TTC8: variants seen among roughly 807,000 people sequenced by gnomAD.
TTC8 encodes tetratricopeptide repeat protein 8.
A neutral mutation model predicts 72.5 loss-of-function variants in TTC8; 47 were observed. The observed-to-expected ratio is 0.65, with a 90% confidence interval of 0.51 to 0.83. TTC8 has a LOEUF of 0.83. Ranked by LOEUF, TTC8 falls within the 40% of genes least tolerant of loss-of-function variation. TTC8 has a pLI of 0.00. For missense variants in TTC8, 611 were observed against 623.2 expected, an observed-to-expected ratio of 0.98 and a Z score of 0.21; for synonymous variants, 199 against 221.4, an observed-to-expected ratio of 0.90 and a Z score of 0.90.
intron 11 of TTC8, among the ~76,000 whole-genome samples, chr14:88,870,621 C>T (rs985614277): frequency 1.4e-4 from 21 of 152,192 alleles, no homozygotes; most frequent in African/African-American, 4.8e-4. Flanking sequence ...ACAGAATCAC[C>T]TGTTTTGTGC....
At chr14:88,862,536 CT>C (rs2094890479) in intron 10 of TTC8, among the ~76,000 whole-genome samples, 1 of 82,158 alleles carries the variant, frequency 1.2e-5, no homozygotes, top group African/African-American at 4.5e-5. Flanking sequence ...CTCTCTCTCT[CT>C]CTCCATATAT....
chr14:88,824,388 C>T (rs2094688409), upstream of TTC8, among the ~76,000 whole-genome samples: 1 of 152,158 alleles, frequency 6.6e-6, no homozygotes, highest in East Asian at 1.9e-4. Context: ...GCTGCGCCTC[C>T]TGGGAGGGTG....
At chr14:88,866,413 ACG>A (rs1555394046) in intron 10 of TTC8, among the ~76,000 whole-genome samples, 85 of 149,576 alleles carry the variant, frequency 5.7e-4, no homozygotes, top group African/African-American at 1.8e-3. Flanking sequence ...ACACACACAC[ACG>A]CACACACAAA....
At chr14:88,862,580 A>ATATATATATATATATATATATATG (rs2094892092) in intron 10 of TTC8, among the ~76,000 whole-genome samples, 1 of 68,072 alleles carries the variant, frequency 1.5e-5, no homozygotes, top group Non-Finnish European at 2.9e-5. Flanking sequence ...ATATATATAT[A>ATATATATATATATATATATATATG]TATATATATA....
rs1400910609 is a variant in TTC8 at position 88,871,989 on chromosome 14, C to G, written c.1224+266C>G. ...ATCACTTGGGCCTAGAAGGTCAAGG[C>G]TGCAGTGAGCTGTGATCGTAGCACT... is the stretch of plus-strand genomic sequence containing the variant. On this transcript the variant is annotated intron_variant, in intron 12 of 14. Coordinates refer to ENST00000380656, the MANE Select transcript of TTC8 (RefSeq NM_144596.4). This position sits in a 1 kb window ranked among gnomAD's most constrained non-coding sequence, Gnocchi z 4.1. 6.6e-6 allele frequency among the ~76,000 whole-genome samples: 1 copy of G among 152,128 alleles called. No individual in the cohort carries two copies. Among genetic ancestry groups the G allele is most frequent in the Non-Finnish European group, 1.5e-5 (1 of 68,016 alleles).
chr14:88,866,962 A>G (rs2094912826), intron 10 of TTC8, among the ~76,000 whole-genome samples: 1 of 152,236 alleles, frequency 6.6e-6, no homozygotes, highest in Admixed American at 6.5e-5. Context: ...GATGTGTTAA[A>G]TGCCTAACCT....
downstream of TTC8, chr14:88,878,368 A>T (rs2141051336): frequency 6.6e-6 from 1 of 152,354 alleles, no homozygotes; most frequent in South Asian, 2.1e-4. Flanking sequence ...ACTCAAACTC[A>T]TACTTTGGAC....
chr14:88,863,497 G>T (rs2094897345), intron 10 of TTC8, among the ~76,000 whole-genome samples: 1 of 152,136 alleles, frequency 6.6e-6, no homozygotes, highest in Admixed American at 6.5e-5. Flanking sequence ...GTTACTATTG[G>T]GTGCTGGTCA....
Position 88,877,448 on chromosome 14 carries a change from T to C in TTC8, c.*38T>C. ...CCACATATGTTCTTATGAAGCAGCA[T>C]TATGCAAGGGGAAAAAAGCACTATG... is the stretch of plus-strand genomic sequence containing the variant. On this transcript the variant is annotated 3_prime_UTR_variant, in exon 15 of 15. Transcript: ENST00000380656. The C allele has an allele frequency of 6.5e-7, 1 of 1,534,524 alleles. No homozygotes were observed. The highest frequency in any genetic ancestry group is 9.0e-7 in the Non-Finnish European group (1 of 1,107,708).
chr14:88,879,373 T>G (rs914392971), downstream of TTC8: 6 of 152,122 alleles, frequency 3.9e-5, no homozygotes, highest in African/African-American at 1.4e-4. Flanking sequence ...GCTAAAGAGG[T>G]GCTCAATCCA....
At chr14:88,859,832 TATA>T (rs990658119) in intron 9 of TTC8, among the ~76,000 whole-genome samples, 10 of 113,550 alleles carry the variant, frequency 8.8e-5, no homozygotes, top group African/African-American at 3.7e-4. Flanking sequence ...ATTATAAACA[TATA>T]AAAATAATAT....
rs1245993863 is a variant in TTC8 at position 88,870,578 on chromosome 14, G to T, written c.1049+380G>T. On this transcript the variant is annotated intron_variant, in intron 11 of 14. Coordinates refer to ENST00000380656, the MANE Select transcript of TTC8 (RefSeq NM_144596.4). Reference sequence around the variant, plus strand: ...TGAAAAGATTTGCAAAGAGCATTTGGCCTCATGTTCTGAACCTTGATGAGG... The same window carrying T: ...TGAAAAGATTTGCAAAGAGCATTTGTCCTCATGTTCTGAACCTTGATGAGG... Among the ~76,000 whole-genome samples the T allele has an allele frequency of 2.0e-5, 3 of 152,148 alleles. No homozygotes were observed. In the East Asian group the frequency reaches 5.8e-4, roughly 29 times the overall value.
chr14:88,842,401 G>A (rs1037679484), intron 6 of TTC8, among the ~76,000 whole-genome samples: 10 of 152,174 alleles, frequency 6.6e-5, no homozygotes, highest in African/African-American at 1.9e-4. Flanking sequence ...CAGGGAATTA[G>A]CCAGTAATAA....
At chr14:88,845,113 G>A (rs538001700) in intron 7 of TTC8, among the ~76,000 whole-genome samples, 1 of 152,246 alleles carries the variant, frequency 6.6e-6, no homozygotes, top group South Asian at 2.1e-4. Context: ...GAAATGTAAA[G>A]AAAGGGCAAA....
At chr14:88,826,847 G>A (rs1273519717) in intron 1 of TTC8, among the ~76,000 whole-genome samples, 2 of 152,174 alleles carry the variant, frequency 1.3e-5, no homozygotes, top group African/African-American at 4.8e-5. Context: ...CCCAAGAGCT[G>A]TTCAGTGAGA....
intron 9 of TTC8, 64 bp downstream of exon 9, chr14:88,857,341 T>A: frequency 7.4e-7 from 1 of 1,350,546 alleles, no homozygotes; most frequent in Non-Finnish European, 1.1e-6. Context: ...TTCTGGCCAT[T>A]GCATGGGGAG....
At chr14:88,850,081 T>A (rs2094826656) in intron 7 of TTC8, among the ~76,000 whole-genome samples, 1 of 152,176 alleles carries the variant, frequency 6.6e-6, no homozygotes, top group Non-Finnish European at 1.5e-5. Flanking sequence ...TATCTAGATA[T>A]TGGTTTTACT....
At chr14:88,849,643 T>C (rs1028739356) in intron 7 of TTC8, among the ~76,000 whole-genome samples, 1 of 152,142 alleles carries the variant, frequency 6.6e-6, no homozygotes, top group African/African-American at 2.4e-5. Flanking sequence ...TCTCATGTTG[T>C]GGGGGTGGGC....
chr14:88,826,296 T>C (rs1380200305), intron 1 of TTC8, among the ~76,000 whole-genome samples: 1 of 151,860 alleles, frequency 6.6e-6, no homozygotes, highest in Non-Finnish European at 1.5e-5. Flanking sequence ...CCCCCAAATG[T>C]GTTTTTGGCA....
Sources: allele counts gnomAD v4.1 joint callset (sites outside exome capture counted in the v4.1 genomes callset), GRCh38; gene constraint gnomAD v4.1.1; non-coding constraint Gnocchi (gnomAD v3.1); transcripts MANE v1.5; gene names NCBI Gene and HGNC (gene_info 2026-07-23, HGNC 2026-07-21).